EXTL3: variants seen among roughly 807,000 people sequenced by gnomAD.
The protein encoded by EXTL3 is exostosin like glycosyltransferase 3.
In EXTL3, 27 loss-of-function variants were observed where a neutral mutation model predicts 69.3. The ratio of observed to expected loss-of-function variants is 0.39; its 90% CI spans 0.29 to 0.54. The LOEUF (loss-of-function observed/expected upper bound fraction) is 0.54. Among genes scored for constraint, EXTL3 ranks in the 20% least tolerant of loss-of-function variants. EXTL3 has a pLI of 0.69. For synonymous variants in EXTL3, 511 were observed against 499.4 expected (o/e 1.02, Z -0.31); for missense variants, 1,003 against 1,231.8 (o/e 0.81, Z 2.78).
intron 1 of EXTL3, among the ~76,000 whole-genome samples, chr8:28,680,482 T>G (rs999613059): frequency 2.6e-5 from 4 of 152,168 alleles, no homozygotes; most frequent in African/African-American, 9.7e-5. Context: ...TTGTGTATAT[T>G]TACAGGGTAT....
intron 2 of EXTL3, among the ~76,000 whole-genome samples, chr8:28,613,426 C>A (rs1333644769): frequency 6.6e-6 from 1 of 152,202 alleles, no homozygotes; most frequent in Admixed American, 6.5e-5. Context: ...TCGTGACCCA[C>A]GTGCCTCAGC....
intron 1 of EXTL3, among the ~76,000 whole-genome samples, chr8:28,683,144 G>C (rs954687238): frequency 1.3e-5 from 2 of 152,138 alleles, no homozygotes; most frequent in Non-Finnish European, 2.9e-5. Context: ...GCAGTACCAT[G>C]CTATTTTGAT....
At chr8:28,707,517 T>A (rs1187877135) in intron 1 of EXTL3, among the ~76,000 whole-genome samples, 2 of 152,282 alleles carry the variant, frequency 1.3e-5, no homozygotes, top group East Asian at 3.8e-4. Flanking sequence ...GCGGACTTTC[T>A]GCGTTAGCTA....
At chr8:28,633,206 C>T (rs186935309) in intron 1 of EXTL3, among the ~76,000 whole-genome samples, 8 of 152,028 alleles carry the variant, frequency 5.3e-5, no homozygotes, top group African/African-American at 1.2e-4. Flanking sequence ...GGTGTGTTGG[C>T]GCACGCCTGT....
In EXTL3 at chr8:28,731,337, A is replaced by G. The variant is rs1801534204; in HGVS notation, c.2263A>G (p.Met755Val). The G allele has an allele frequency of 1.9e-6, 3 of 1,614,240 alleles. No individual in the cohort carries two copies. Among genetic ancestry groups the G allele is most frequent in the Non-Finnish European group, 1.7e-6 (2 of 1,180,034 alleles). Residue 755 changes from methionine to valine, a missense_variant, in exon 4 of 7, where the codon ATG becomes GTG. Coordinates refer to ENST00000220562, the MANE Select transcript of EXTL3 (RefSeq NM_001440.4). ...DDAHLRHDEI[M>V]FGFRVWREAR... ...TGCTCACCTCCGCCATGACGAAATC[A>G]TGTTTGGGTTCCGGTGAGAGACTAA...
intron 1 of EXTL3, among the ~76,000 whole-genome samples, chr8:28,703,720 A>G (rs371065006): frequency 1.6e-4 from 25 of 152,270 alleles, no homozygotes; most frequent in African/African-American, 5.8e-4. Flanking sequence ...GCGCCTTTGT[A>G]TGTTACTCTA....
chr8:28,691,923 A>G (rs543500142), intron 1 of EXTL3, among the ~76,000 whole-genome samples: 1 of 152,232 alleles, frequency 6.6e-6, no homozygotes, highest in South Asian at 2.1e-4. Flanking sequence ...TTAGATATTT[A>G]TTATTTAATT....
chr8:28,691,438 CA>C (rs1034817527), intron 1 of EXTL3, among the ~76,000 whole-genome samples: 1 of 152,100 alleles, frequency 6.6e-6, no homozygotes, highest in Admixed American at 6.5e-5. Flanking sequence ...CATGTAGAAA[CA>C]TAATACTTCA....
chr8:28,625,270 G>A lies in EXTL3; in HGVS notation c.-53+2460G>A, dbSNP rs1424158613. 2.0e-5 allele frequency among the ~76,000 whole-genome samples: 3 copies of A among 152,160 alleles called. No homozygotes were observed. The South Asian group carries it at 6.2e-4, about 32-fold the overall frequency. On this transcript the variant is annotated intron_variant, in intron 1 of 6. Transcript: ENST00000523149. ...TGTGTCATCAAGACCTCAGAAGTAG[G>A]GGCCGGCATATTTCTTAGACACTGA...
At chr8:28,663,496 C>T (rs138650034) in intron 1 of EXTL3, among the ~76,000 whole-genome samples, 29 of 152,104 alleles carry the variant, frequency 1.9e-4, no homozygotes, top group Non-Finnish European at 3.2e-4. Flanking sequence ...TGTGTCGCCA[C>T]GCTAGAGTAC....
intron 6 of EXTL3, among the ~76,000 whole-genome samples, chr8:28,744,439 C>T (rs568768321): frequency 4.6e-4 from 70 of 152,258 alleles, no homozygotes; most frequent in African/African-American, 1.6e-3. Flanking sequence ...AGGCGGATCA[C>T]TTGAGGTCAG....
chr8:28,674,635 G>A (rs115614634), intron 1 of EXTL3, among the ~76,000 whole-genome samples: 225 of 152,352 alleles, frequency 1.5e-3, no homozygotes, highest in Admixed American at 2.6e-3. Context: ...TGAACTCACA[G>A]CTTTGCAGGC....
chr8:28,730,089 C>T (rs891689712), intron 3 of EXTL3: 3 of 152,158 alleles, frequency 2.0e-5, no homozygotes, highest in African/African-American at 7.2e-5. Flanking sequence ...CAAGAGGCAT[C>T]TGAACTGGAC....
At chr8:28,656,467 C>A (rs150582489) in intron 1 of EXTL3, among the ~76,000 whole-genome samples, 1 of 152,072 alleles carries the variant, frequency 6.6e-6, no homozygotes, top group African/African-American at 2.4e-5. Context: ...CCAACCTGTT[C>A]AACTATTTTT....
At chr8:28,674,425 G>GT (rs1374774343) in intron 1 of EXTL3, among the ~76,000 whole-genome samples, 1 of 152,182 alleles carries the variant, frequency 6.6e-6, no homozygotes, top group Admixed American at 6.5e-5. Context: ...AATGATGTTG[G>GT]TTGGAACCCT....
In EXTL3 at chr8:28,750,600, A is replaced by T; in HGVS notation, c.2551-57A>T. The T allele has an allele frequency of 1.4e-6, 2 of 1,417,786 alleles. No homozygotes were observed. Among genetic ancestry groups the T allele is most frequent in the South Asian group, 2.3e-5 (2 of 86,870 alleles). The allele number at this position is 1,417,786 out of a possible 1,614,324, so 87.8% of individuals were successfully genotyped here. ...GGGAGTGTGGGATCGGCTCAGCTGCAAGGGTTCTGTCAGTATTAGCTGGGA... is the reference window on the plus strand; with the variant it reads ...GGGAGTGTGGGATCGGCTCAGCTGCTAGGGTTCTGTCAGTATTAGCTGGGA... On this transcript the variant is annotated intron_variant, in intron 6 of 6. Transcript: ENST00000220562. This position sits in a 1 kb window ranked among gnomAD's most constrained non-coding sequence, Gnocchi z 5.2.
chr8:28,630,186 G>C (rs547621381), intron 1 of EXTL3, among the ~76,000 whole-genome samples: 4 of 152,224 alleles, frequency 2.6e-5, no homozygotes, highest in South Asian at 4.1e-4. Context: ...TGCTGCTCTC[G>C]TGATAGTGAA....
chr8:28,749,668 TC>T (rs1801964739), intron 6 of EXTL3, among the ~76,000 whole-genome samples: 1 of 152,158 alleles, frequency 6.6e-6, no homozygotes, highest in Non-Finnish European at 1.5e-5. Flanking sequence ...CATTCATTAT[TC>T]ATTGTTTATT....
chr8:28,699,515 G>A (rs766709408), upstream of EXTL3: 4 of 152,498 alleles, frequency 2.6e-5, no homozygotes, highest in East Asian at 3.9e-4. Context: ...TCTTTTTGTT[G>A]TTGTTGTTCC....
Sources: gnomAD v4.1 joint callset for allele counts (sites outside exome capture counted in the v4.1 genomes callset) on GRCh38, gnomAD v4.1.1 for gene constraint, Gnocchi (gnomAD v3.1) non-coding constraint, MANE v1.5 for transcripts, NCBI Gene and HGNC (gene_info 2026-07-23, HGNC 2026-07-21) for gene names.